Variants in ACCSL observed in about 807,000 individuals in gnomAD.
The protein encoded by ACCSL is 1-aminocyclopropane-1-carboxylate synthase homolog (inactive) like, also known as probable inactive 1-aminocyclopropane-1-carboxylate synthase-like protein 2.
A neutral mutation model predicts 61.7 loss-of-function variants in ACCSL; 55 were observed. That is an observed-to-expected ratio of 0.89 (90% CI 0.72 to 1.12). The LOEUF (loss-of-function observed/expected upper bound fraction) is 1.12. Ranked by LOEUF, ACCSL falls within the 50% of genes most tolerant of loss-of-function variation. The probability of loss-of-function intolerance (pLI) is 0.00; values close to 1 mark genes in which losing one functional copy is unlikely to be tolerated. For missense variants in ACCSL, 632 were observed against 698.0 expected, an observed-to-expected ratio of 0.91 and a Z score of 1.07; for synonymous variants, 258 against 264.3, an observed-to-expected ratio of 0.98 and a Z score of 0.23.
the ACCSL span, among the ~76,000 whole-genome samples, chr11:43,954,464 G>A: frequency 6.6e-6 from 1 of 152,142 alleles, no homozygotes; most frequent in Non-Finnish European, 1.5e-5. Context: ...ACAAAAGATT[G>A]GTCAGACCAG....
At chr11:43,958,852 G>C in the ACCSL span, among the ~76,000 whole-genome samples, 3 of 152,136 alleles carry the variant, frequency 2.0e-5, no homozygotes, top group African/African-American at 7.2e-5. Flanking sequence ...GGTGCCCTTG[G>C]CCAACAGGGG....
At chr11:43,964,270 C>T in the ACCSL span, among the ~76,000 whole-genome samples, 3 of 151,760 alleles carry the variant, frequency 2.0e-5, no homozygotes, top group East Asian at 1.9e-4. Flanking sequence ...GGTGAAACCC[C>T]GTCTCTACTA....
the ACCSL span, chr11:43,943,728 CT>C: frequency 7.7e-7 from 1 of 1,304,414 alleles, no homozygotes; most frequent in South Asian, 1.2e-5. The surrounding 1 kb of genome is among the most constrained non-coding windows in gnomAD (Gnocchi z 4.8). Flanking sequence ...GCCGTTGGGA[CT>C]TTGGGCGCAG....
At chr11:43,961,057 G>T in the ACCSL span, among the ~76,000 whole-genome samples, 1 of 152,304 alleles carries the variant, frequency 6.6e-6, no homozygotes, top group Admixed American at 6.5e-5. Flanking sequence ...CTGACTTCAG[G>T]TGATCCTCCC....
At chr11:43,949,573 G>A in the ACCSL span, among the ~76,000 whole-genome samples, 1 of 152,194 alleles carries the variant, frequency 6.6e-6, no homozygotes, top group Non-Finnish European at 1.5e-5. Context: ...CCAGGACTTT[G>A]GGAGGCTGAG....
At chr11:44,042,644 TTG>T in the ACCSL span, among the ~76,000 whole-genome samples, 70 of 136,516 alleles carry the variant, frequency 5.1e-4, no homozygotes, top group Admixed American at 1.3e-3. Flanking sequence ...TTTGTTTGTT[TTG>T]TTTGTTTTTT....
upstream of ACCSL, among the ~76,000 whole-genome samples, chr11:44,045,906 G>A (rs1952594516): frequency 6.6e-6 from 1 of 152,214 alleles, no homozygotes; most frequent in Non-Finnish European, 1.5e-5. Context: ...CTGGGAAAAG[G>A]AAGAAGATGC....
At chr11:43,965,292 T>C in the ACCSL span, among the ~76,000 whole-genome samples, 1 of 148,916 alleles carries the variant, frequency 6.7e-6, no homozygotes, top group Non-Finnish European at 1.5e-5. Context: ...CAGTTGAATT[T>C]CTATATAATA....
At chr11:44,039,118 A>G in the ACCSL span, among the ~76,000 whole-genome samples, 1 of 152,168 alleles carries the variant, frequency 6.6e-6, no homozygotes, top group Non-Finnish European at 1.5e-5. Flanking sequence ...TGAATGGGGA[A>G]TGAATAAACA....
chr11:44,034,616 C>G, the ACCSL span, among the ~76,000 whole-genome samples: 1 of 152,202 alleles, frequency 6.6e-6, no homozygotes, highest in South Asian at 2.1e-4. Flanking sequence ...ACCATCAGAT[C>G]TCATGAGACT....
chr11:44,029,606 C>G, the ACCSL span, among the ~76,000 whole-genome samples: 21 of 152,176 alleles, frequency 1.4e-4, no homozygotes, highest in Admixed American at 1.4e-3. Flanking sequence ...CTTGGACAAG[C>G]TACTCACCCT....
At chr11:43,988,806 C>CTTTTTTT in the ACCSL span, among the ~76,000 whole-genome samples, 12 of 97,234 alleles carry the variant, frequency 1.2e-4, no homozygotes, top group East Asian at 4.9e-4. Flanking sequence ...ATTCTCTCTT[C>CTTTTTTT]TTTTTTTTTT....
At chr11:43,979,107 A>T in the ACCSL span, among the ~76,000 whole-genome samples, 8 of 152,272 alleles carry the variant, frequency 5.3e-5, no homozygotes, top group South Asian at 1.7e-3. Context: ...GCCAAAGTCA[A>T]GCTGCTTCTG....
the ACCSL span, chr11:43,943,768 A>G: frequency 7.7e-7 from 1 of 1,304,118 alleles, no homozygotes; most frequent in Non-Finnish European, 1.0e-6. The surrounding 1 kb of genome is among the most constrained non-coding windows in gnomAD (Gnocchi z 4.8). Context: ...TGGAGGATTG[A>G]TATTTATTTT....
At chr11:43,957,581 A>T in the ACCSL span, among the ~76,000 whole-genome samples, 1 of 152,234 alleles carries the variant, frequency 6.6e-6, no homozygotes, top group African/African-American at 2.4e-5. Context: ...TTCTCTATAG[A>T]TGCAAATTTC....
the ACCSL span, among the ~76,000 whole-genome samples, chr11:43,923,536 G>A: frequency 4.6e-5 from 7 of 152,200 alleles, no homozygotes; most frequent in Non-Finnish European, 1.0e-4. Flanking sequence ...GAAGGAACAC[G>A]CATGTGAGAC....
the ACCSL span, chr11:43,943,474 G>A: frequency 5.7e-6 from 8 of 1,405,032 alleles, no homozygotes; most frequent in Admixed American, 1.3e-4. This position sits in a 1 kb window ranked among gnomAD's most constrained non-coding sequence, Gnocchi z 4.8. Context: ...GGAGCGCCGG[G>A]AGCGGGGCCG....
chr11:44,049,756 A>G (rs1370350440), intron 1 of ACCSL, among the ~76,000 whole-genome samples: 2 of 152,154 alleles, frequency 1.3e-5, no homozygotes, highest in East Asian at 3.9e-4. Flanking sequence ...TTTAAACTGG[A>G]TTATATAGAA....
At chr11:43,934,993 T>C in the ACCSL span, among the ~76,000 whole-genome samples, 107 of 152,030 alleles carry the variant, frequency 7.0e-4, no homozygotes, top group African/African-American at 2.5e-3. Context: ...TGCTTCCATC[T>C]CCCCACCCCA....
Sources: allele counts gnomAD v4.1 joint callset (sites outside exome capture counted in the v4.1 genomes callset), GRCh38; gene constraint gnomAD v4.1.1; non-coding constraint Gnocchi (gnomAD v3.1); transcripts MANE v1.5; gene names NCBI Gene and HGNC (gene_info 2026-07-23, HGNC 2026-07-21).